XKR9: variants seen among roughly 807,000 people sequenced by gnomAD.
The protein encoded by XKR9 is XK related 9.
A neutral mutation model predicts 32.0 loss-of-function variants in XKR9; 32 were observed. The ratio of observed to expected loss-of-function variants is 1.00; its 90% CI spans 0.76 to 1.34. XKR9 has a LOEUF of 1.34. XKR9 is among the 40% of genes most tolerant of loss of function. The pLI is 0.00. For synonymous variants in XKR9, 168 were observed against 143.4 expected, an observed-to-expected ratio of 1.17 and a Z score of -1.22; for missense variants, 546 against 429.7, an observed-to-expected ratio of 1.27 and a Z score of -2.39.
chr8:70,718,432 C>T (rs948549940), intron 4 of XKR9, among the ~76,000 whole-genome samples: 6 of 152,124 alleles, frequency 3.9e-5, no homozygotes, highest in East Asian at 3.9e-4. Flanking sequence ...TTTTAAGCCC[C>T]GCATGCATTA....
At chr8:71,031,203 T>C in the XKR9 span, among the ~76,000 whole-genome samples, 2 of 152,216 alleles carry the variant, frequency 1.3e-5, no homozygotes, top group Non-Finnish European at 2.9e-5. Context: ...ATTTCATGTC[T>C]CTACACAATT....
intron 2 of XKR9, among the ~76,000 whole-genome samples, chr8:70,773,071 C>T (rs1807475154): frequency 6.6e-6 from 1 of 152,134 alleles, no homozygotes. Context: ...TATAATCATA[C>T]TGTAGCACAA....
At chr8:70,765,353 GC>G (rs1179111041) in intron 2 of XKR9, among the ~76,000 whole-genome samples, 1 of 152,130 alleles carries the variant, frequency 6.6e-6, no homozygotes, top group Non-Finnish European at 1.5e-5. Flanking sequence ...GTGATGATGA[GC>G]TTTTTATCAT....
chr8:70,931,296 T>A, the XKR9 span, among the ~76,000 whole-genome samples: 1 of 152,174 alleles, frequency 6.6e-6, no homozygotes, highest in African/African-American at 2.4e-5. Context: ...AAGGTTACCC[T>A]GAGGTCAGCA....
At chr8:70,710,840 C>G (rs1379586164) in intron 4 of XKR9, among the ~76,000 whole-genome samples, 1 of 152,012 alleles carries the variant, frequency 6.6e-6, no homozygotes, top group Non-Finnish European at 1.5e-5. Context: ...GCAGAGTAAA[C>G]AAACAACCTA....
chr8:70,868,184 G>T, the XKR9 span, among the ~76,000 whole-genome samples: 2 of 152,150 alleles, frequency 1.3e-5, no homozygotes, highest in African/African-American at 4.8e-5. Flanking sequence ...GGTGCAAGCT[G>T]TTGGTGGAGC....
chr8:70,708,719 TA>T (rs906795063), intron 4 of XKR9, among the ~76,000 whole-genome samples: 9 of 152,214 alleles, frequency 5.9e-5, no homozygotes, highest in East Asian at 1.9e-4. Flanking sequence ...TGTTTTCATT[TA>T]AAAAATATTC....
At chr8:70,874,963 T>A in the XKR9 span, among the ~76,000 whole-genome samples, 2 of 152,186 alleles carry the variant, frequency 1.3e-5, no homozygotes, top group Non-Finnish European at 2.9e-5. Flanking sequence ...GGTCACATGC[T>A]CGTCCTTGGA....
At chr8:70,862,648 T>G in the XKR9 span, among the ~76,000 whole-genome samples, 1 of 151,274 alleles carries the variant, frequency 6.6e-6, no homozygotes, top group Admixed American at 6.6e-5. Context: ...ATATTTATAT[T>G]TATATACTAT....
the XKR9 span, among the ~76,000 whole-genome samples, chr8:70,847,704 G>A: frequency 6.6e-6 from 1 of 151,756 alleles, no homozygotes; most frequent in Non-Finnish European, 1.5e-5. Context: ...CTATACATCA[G>A]AAATTAGAAA....
At chr8:70,944,651 T>C in the XKR9 span, among the ~76,000 whole-genome samples, 21 of 152,094 alleles carry the variant, frequency 1.4e-4, no homozygotes, top group Non-Finnish European at 2.8e-4. Flanking sequence ...CACCTCTCTG[T>C]AAAGGAGTGA....
At chr8:70,855,177 T>G in the XKR9 span, among the ~76,000 whole-genome samples, 1 of 152,058 alleles carries the variant, frequency 6.6e-6, no homozygotes, top group Non-Finnish European at 1.5e-5. Flanking sequence ...ATCAAACTAC[T>G]CCGAGGTAAA....
the XKR9 span, among the ~76,000 whole-genome samples, chr8:70,972,799 C>A: frequency 1.3e-5 from 2 of 152,120 alleles, no homozygotes; most frequent in East Asian, 3.8e-4. Context: ...ATCCCTGCAT[C>A]CCTGGTATGA....
At chr8:71,053,463 T>C in the XKR9 span, among the ~76,000 whole-genome samples, 1 of 152,218 alleles carries the variant, frequency 6.6e-6, no homozygotes, top group Non-Finnish European at 1.5e-5. Context: ...ACAGAGGTGT[T>C]TTCCATTCAG....
At chr8:70,931,797 A>G in the XKR9 span, among the ~76,000 whole-genome samples, 1 of 152,198 alleles carries the variant, frequency 6.6e-6, no homozygotes, top group Non-Finnish European at 1.5e-5. Flanking sequence ...CCTGTAAACA[A>G]CCAGATCTTG....
the XKR9 span, among the ~76,000 whole-genome samples, chr8:70,895,478 A>G: frequency 1.3e-5 from 2 of 152,138 alleles, no homozygotes; most frequent in African/African-American, 2.4e-5. Context: ...CTAAATATTT[A>G]TACAATTTTA....
the XKR9 span, among the ~76,000 whole-genome samples, chr8:71,018,133 AAAG>A: frequency 6.6e-5 from 10 of 152,328 alleles, no homozygotes; most frequent in East Asian, 1.7e-3. Flanking sequence ...CAGAAGAAGT[AAAG>A]AATAGGCATT....
chr8:70,946,394 A>C, the XKR9 span, among the ~76,000 whole-genome samples: 1 of 152,132 alleles, frequency 6.6e-6, no homozygotes, highest in South Asian at 2.1e-4. Flanking sequence ...GATAAAAACT[A>C]TAAGGCCTCC....
At chr8:70,966,563 T>C in the XKR9 span, among the ~76,000 whole-genome samples, 1 of 152,230 alleles carries the variant, frequency 6.6e-6, no homozygotes, top group Non-Finnish European at 1.5e-5. Flanking sequence ...GTAAGTGCCA[T>C]GTGGCAATGA....
Sources: gnomAD v4.1 joint callset for allele counts (sites outside exome capture counted in the v4.1 genomes callset) on GRCh38, gnomAD v4.1.1 for gene constraint, MANE v1.5 for transcripts, NCBI Gene and HGNC (gene_info 2026-07-23, HGNC 2026-07-21) for gene names.